Variants in F5 observed in about 807,000 individuals in gnomAD.
The protein encoded by F5 is coagulation factor V.
In F5, 138 loss-of-function variants were observed where a neutral mutation model predicts 216.4. The ratio of observed to expected loss-of-function variants is 0.64; its 90% confidence interval spans 0.56 to 0.73. The LOEUF is 0.73. Ranked by LOEUF, F5 falls within the 30% of genes least tolerant of loss-of-function variation. F5 has a pLI of 0.00. For synonymous variants in F5, 916 were observed against 930.7 expected, an observed-to-expected ratio of 0.98 and a Z score of 0.29; for missense variants, 2,403 against 2,674.0, an observed-to-expected ratio of 0.90 and a Z score of 2.24.
rs770770778 is a variant in F5, at chr1:169,542,159, A to T, written c.2931T>A (p.Asn977Lys). The T allele has an allele frequency of 6.2e-7, 1 of 1,614,022 alleles. No individual in the cohort carries two copies. Residue 977 changes from asparagine to lysine, a missense_variant, in exon 13 of 25, where the codon AAT becomes AAA. Asn to Lys is a moderately conservative substitution (Grantham distance 94). Coordinates refer to ENST00000367797, the MANE Select transcript of F5 (RefSeq NM_000130.5). ...TGCTTTCTCCCCAAGCACGTGAGGCATTCTGGGGGCTGATCAGCCAATTGT... is the reference window on the plus strand; with the variant it reads ...TGCTTTCTCCCCAAGCACGTGAGGCTTTCTGGGGGCTGATCAGCCAATTGT... ...AVNNWLISPQ[N>K]ASRAWGESTP...
chr1:169,552,799 A>G (rs1660204557), intron 7 of F5, 65 bp from the exon 8 acceptor site: 2 of 1,219,280 alleles, frequency 1.6e-6, no homozygotes, highest in Non-Finnish European at 2.4e-6. Flanking sequence ...GGATGGGGAA[A>G]CCCTTGTGCT....
chr1:169,514,213 G>A lies in F5; in HGVS notation c.*100C>T. On this transcript the variant is annotated 3_prime_UTR_variant, in exon 25 of 25. Transcript: ENST00000367797. The stretch of plus-strand genomic sequence containing the variant: ...CTAATAGAAAAGAAAGAGAAATAGT[G>A]GAAAACTGTTAACATTTAACACAGC... 2 of 1,253,402 alleles carry A rather than the reference G, an allele frequency of 1.6e-6. No homozygotes were observed. Among genetic ancestry groups the A allele is most frequent in the South Asian group, 2.5e-5 (2 of 79,314 alleles). 77.6% of individuals were successfully genotyped at this position (1,253,402 alleles called of 1,614,324 possible). A position where few individuals can be genotyped will look rare whatever the true frequency, so the allele number is the denominator to read the frequency against.
intron 9 of F5, among the ~76,000 whole-genome samples, 182 bp from the exon 10 acceptor site, chr1:169,550,197 T>C (rs890998311): frequency 2.6e-5 from 4 of 151,754 alleles, no homozygotes; most frequent in African/African-American, 7.3e-5. Flanking sequence ...TTGTTACATA[T>C]GTATACATGT....
chr1:169,582,578 C>A, intron 1 of F5, 56 bp from the exon 2 acceptor site: 2 of 947,706 alleles, frequency 2.1e-6, no homozygotes, highest in Admixed American at 2.2e-5. Context: ...CTATTTCTCA[C>A]ATTACAAAAA....
At chr1:169,553,472 G>A (rs953650252) in intron 7 of F5, among the ~76,000 whole-genome samples, 5 of 152,328 alleles carry the variant, frequency 3.3e-5, no homozygotes, top group African/African-American at 1.2e-4. Context: ...ACTTTGGGAG[G>A]CCGAGGCGGG....
chr1:169,552,621 G>A lies in F5; in HGVS notation c.1232C>T (p.Pro411Leu). 1.2e-6 allele frequency: 2 copies of A among 1,613,414 alleles called. No homozygotes were observed. The highest frequency in any genetic ancestry group is 3.3e-4 in the Middle Eastern group (2 of 6,014). ...DESFTKHTVN[P>L]NMKEDGILGP... The stretch of plus-strand genomic sequence containing the variant: ...CAAAATCCCATCTTCTTTCATATTG[G>A]GATTCACTGTATGTTTGGTGAAGGA... The change falls in exon 8 of 25, where the codon CCC becomes CTC. Residue 411 changes from proline to leucine, a missense_variant. Pro to Leu is a moderately conservative substitution (Grantham distance 98, BLOSUM62 -3). This residue lies in a region of F5 where 1,425 missense variants were observed against 1,554.8 expected (regional missense o/e 0.92). Coordinates refer to ENST00000367797, the MANE Select transcript of F5 (RefSeq NM_000130.5).
rs199861733 is a variant in F5 at position 169,542,864 on chromosome 1, T to G, written c.2226A>C (p.Ser742=). The change falls in exon 13 of 25, where the codon TCA becomes TCC. Residue 742 remains serine (S), a synonymous_variant. Coordinates refer to ENST00000367797, the MANE Select transcript of F5 (RefSeq NM_000130.5). ...ACTCTTCTTCTTCCTGATTCAATGA[T>G]GAGTTTCGGAATGACCTGATTCCTA... is the stretch of plus-strand genomic sequence containing the variant. ...AALGIRSFRN[S]SLNQEEEEFN... is the part of the protein sequence containing the mutation. 1 of 1,614,184 alleles carries G rather than the reference T, an allele frequency of 6.2e-7. No homozygotes were observed. Among genetic ancestry groups the G allele is most frequent in the Non-Finnish European group, 8.5e-7 (1 of 1,180,006 alleles).
At chr1:169,555,010 T>C (rs1057452487) in intron 7 of F5, among the ~76,000 whole-genome samples, 172 bp downstream of exon 7, 1 of 152,200 alleles carries the variant, frequency 6.6e-6, no homozygotes, top group African/African-American at 2.4e-5. Context: ...TAGGCTGAAT[T>C]TCTTTGGTGA....
chr1:169,557,013 T>C, intron 5 of F5, 146 bp from the exon 6 acceptor site: 1 of 718,750 alleles, frequency 1.4e-6, no homozygotes, highest in Middle Eastern at 3.6e-4. Flanking sequence ...CAGTTGTAGT[T>C]TGTGCCCTGC....
chr1:169,521,723 C>T (rs898110690), intron 21 of F5, among the ~76,000 whole-genome samples: 4 of 146,720 alleles, frequency 2.7e-5, no homozygotes, highest in Non-Finnish European at 5.9e-5. Context: ...CGGATTCAAG[C>T]GATACTCCTG....
intron 24 of F5, 83 bp downstream of exon 24, chr1:169,515,361 A>G (rs923426610): frequency 1.3e-6 from 2 of 1,499,364 alleles, no homozygotes; most frequent in South Asian, 1.1e-5. Flanking sequence ...ATGTCACTGC[A>G]TATTTGTCAA....
intron 11 of F5, among the ~76,000 whole-genome samples, chr1:169,545,730 A>G (rs1659982482): frequency 6.6e-6 from 1 of 152,196 alleles, no homozygotes; most frequent in Non-Finnish European, 1.5e-5. Context: ...TGCAGAAATC[A>G]TCCTCACATG....
At chr1:169,569,067 TCC>T (rs1241620627) in intron 3 of F5, among the ~76,000 whole-genome samples, 87 of 152,086 alleles carry the variant, frequency 5.7e-4, no homozygotes, top group Non-Finnish European at 1.5e-5. Flanking sequence ...GGAAAAGGGA[TCC>T]ACATTTTTGT....
chr1:169,573,072 C>A (rs1007796739), intron 2 of F5, among the ~76,000 whole-genome samples: 2 of 151,998 alleles, frequency 1.3e-5, no homozygotes, highest in South Asian at 2.1e-4. Flanking sequence ...CTCAACCTCC[C>A]AAGTAGCTGG....
intron 7 of F5, among the ~76,000 whole-genome samples, chr1:169,554,427 T>C (rs1660262495): frequency 6.6e-6 from 1 of 152,226 alleles, no homozygotes; most frequent in Admixed American, 6.5e-5. Flanking sequence ...TATGAATGTA[T>C]CCTAATTTAT....
In F5 at chr1:169,582,406, T is replaced by C. The variant is rs1661010282; in HGVS notation, c.250+25A>G. The C allele has an allele frequency of 2.3e-6, 3 of 1,290,564 alleles. No homozygotes were observed. In the African/African-American group the frequency reaches 4.4e-5, roughly 19 times the overall value. 79.9% of individuals were successfully genotyped at this position (1,290,564 alleles called of 1,614,324 possible). On this transcript the variant is annotated intron_variant, in intron 2 of 24. Transcript: ENST00000367797. ...TACCCATAGAAATTTATCTTTAAAA[T>C]TAAAAAAGTATATTTCAGGCTTACC...
At chr1:169,515,728 G>T in intron 23 of F5, 102 bp from the exon 24 acceptor site, 1 of 1,195,838 alleles carries the variant, frequency 8.4e-7, no homozygotes, top group South Asian at 1.3e-5. Flanking sequence ...AAAGGATTTT[G>T]TTCTATCTTA....
intron 2 of F5, among the ~76,000 whole-genome samples, chr1:169,577,601 A>ATATATATATG (rs1660891690): frequency 1.0e-5 from 1 of 97,174 alleles, no homozygotes; most frequent in Non-Finnish European, 2.0e-5. Context: ...ATATATATAT[A>ATATATATATG]TATGTATGTA....
intron 9 of F5, 22 bp downstream of exon 9, chr1:169,550,618 A>G (rs1387903265): frequency 2.2e-5 from 34 of 1,578,208 alleles, no homozygotes; most frequent in South Asian, 8.9e-5. Flanking sequence ...AGTTGGATTC[A>G]GTAGAAGTGA....
Sources: gnomAD v4.1 joint callset for allele counts (sites outside exome capture counted in the v4.1 genomes callset) on GRCh38, gnomAD v4.1.1 for gene constraint, gnomAD v4.1.1 regional missense constraint, MANE v1.5 for transcripts, NCBI Gene and HGNC (gene_info 2026-07-23, HGNC 2026-07-21) for gene names.